The following CAMK4 variants were observed in gnomAD, a reference collection of about 807,000 sequenced individuals.
CAMK4 encodes the protein calcium/calmodulin dependent protein kinase IV.
Under a neutral mutation model 44.9 loss-of-function variants are expected in CAMK4, and 22 were observed. The ratio of observed to expected loss-of-function variants is 0.49; its 90% CI spans 0.35 to 0.70. The LOEUF (loss-of-function observed/expected upper bound fraction) is 0.70, where lower values mean the gene tolerates loss of function less well. Among genes scored for constraint, CAMK4 ranks in the 30% least tolerant of loss-of-function variants. The probability of loss-of-function intolerance (pLI) is 0.01; values close to 1 mark genes in which losing one functional copy is unlikely to be tolerated. For missense variants in CAMK4, 498 were observed against 586.8 expected, an observed-to-expected ratio of 0.85 and a Z score of 1.56; for synonymous variants, 218 against 215.4, an observed-to-expected ratio of 1.01 and a Z score of -0.11.
intron 1 of CAMK4, among the ~76,000 whole-genome samples, chr5:111,230,764 G>A (rs1748431156): frequency 6.6e-6 from 1 of 151,612 alleles, no homozygotes. Flanking sequence ...CAAGTGAAGT[G>A]TTTCAACTAC....
At chr5:111,282,603 T>G (rs1188965876) in intron 1 of CAMK4, among the ~76,000 whole-genome samples, 1 of 152,252 alleles carries the variant, frequency 6.6e-6, no homozygotes, top group East Asian at 1.9e-4. Flanking sequence ...TTTTTATATT[T>G]TGACTTGCTA....
Position 111,259,572 on chromosome 5 carries a change from AC to A in CAMK4, c.161+34931del, listed in dbSNP as rs898920584. On this transcript the variant is annotated intron_variant, in intron 1 of 10. Coordinates refer to ENST00000282356, the MANE Select transcript of CAMK4 (RefSeq NM_001744.6). ...GATGGGTTGTAGGTATATATGCAGC[AC>A]CCTGAATTCTTTTATCCAGGCAATA... Among the ~76,000 whole-genome samples, 6 of 152,146 alleles carry A rather than the reference AC, an allele frequency of 3.9e-5. 1 individual carries two copies. Among genetic ancestry groups the A allele is most frequent in the Admixed American group, 1.3e-4 (2 of 15,272 alleles).
chr5:111,293,249 G>T (rs1159926384), intron 1 of CAMK4, among the ~76,000 whole-genome samples: 1 of 152,116 alleles, frequency 6.6e-6, no homozygotes, highest in Non-Finnish European at 1.5e-5. Flanking sequence ...GTGCCCAGAG[G>T]ACTAAGAAGC....
intron 1 of CAMK4, among the ~76,000 whole-genome samples, chr5:111,329,768 A>T (rs1486564748): frequency 1.3e-5 from 2 of 151,770 alleles, no homozygotes; most frequent in African/African-American, 2.4e-5. Context: ...GTATTTGACA[A>T]CATTCACTGT....
chr5:111,357,157 T>C (rs1750397980), intron 2 of CAMK4, among the ~76,000 whole-genome samples: 1 of 152,092 alleles, frequency 6.6e-6, no homozygotes, highest in Non-Finnish European at 1.5e-5. Context: ...AAAGGAGATA[T>C]ATAACCAACT....
chr5:111,243,849 G>A (rs770867810), intron 1 of CAMK4, among the ~76,000 whole-genome samples: 1 of 152,166 alleles, frequency 6.6e-6, no homozygotes, highest in Non-Finnish European at 1.5e-5. Flanking sequence ...ATAGCTGCAC[G>A]AATGCAACAT....
At chr5:111,413,022 G>A (rs184958962) in intron 5 of CAMK4, among the ~76,000 whole-genome samples, 2 of 152,166 alleles carry the variant, frequency 1.3e-5, no homozygotes, top group East Asian at 1.9e-4. Context: ...GCTGTACGCC[G>A]CTGCTTCAAT....
intron 5 of CAMK4, among the ~76,000 whole-genome samples, chr5:111,438,496 A>T (rs1465102115): frequency 1.3e-5 from 2 of 152,178 alleles, no homozygotes; most frequent in African/African-American, 2.4e-5. Flanking sequence ...ACTTAGAGAA[A>T]ATTTATTGTA....
intron 1 of CAMK4, among the ~76,000 whole-genome samples, chr5:111,272,674 A>G (rs1750566219): frequency 1.3e-5 from 2 of 152,166 alleles, no homozygotes; most frequent in African/African-American, 4.8e-5. Context: ...GTATTTCAAC[A>G]AAGTTGCAAA....
intron 5 of CAMK4, among the ~76,000 whole-genome samples, chr5:111,432,098 C>T (rs1580744967): frequency 6.6e-6 from 1 of 152,118 alleles, no homozygotes; most frequent in South Asian, 2.1e-4. Flanking sequence ...GATTTGGAAG[C>T]AACCTAAGTG....
chr5:111,259,377 C>T (rs1422005339), intron 1 of CAMK4, among the ~76,000 whole-genome samples: 1 of 152,172 alleles, frequency 6.6e-6, no homozygotes, highest in Non-Finnish European at 1.5e-5. Flanking sequence ...ATAGTTTTCT[C>T]AGTGTAATTT....
chr5:111,409,402 G>T (rs1393605345), intron 5 of CAMK4, among the ~76,000 whole-genome samples: 1 of 152,194 alleles, frequency 6.6e-6, no homozygotes, highest in Non-Finnish European at 1.5e-5. Context: ...AAGCAGCTGG[G>T]ACACAAGGCA....
chr5:111,289,037 G>T (rs1751343069), intron 1 of CAMK4, among the ~76,000 whole-genome samples: 1 of 152,162 alleles, frequency 6.6e-6, no homozygotes, highest in African/African-American at 2.4e-5. Flanking sequence ...GCTCATGGTG[G>T]GAGAGGAGAT....
intron 2 of CAMK4, among the ~76,000 whole-genome samples, chr5:111,361,683 A>G (rs1450175713): frequency 1.3e-5 from 2 of 152,018 alleles, no homozygotes; most frequent in Non-Finnish European, 2.9e-5. Context: ...AACATATGAA[A>G]TTGTCTTAAA....
intron 5 of CAMK4, among the ~76,000 whole-genome samples, chr5:111,409,122 C>T (rs922790085): frequency 3.3e-5 from 5 of 152,176 alleles, no homozygotes; most frequent in African/African-American, 4.8e-5. Context: ...CTAGGCAGTG[C>T]CCTGGTGAGG....
intron 1 of CAMK4, among the ~76,000 whole-genome samples, chr5:111,319,971 G>A (rs918878568): frequency 1.4e-4 from 21 of 152,252 alleles, no homozygotes; most frequent in African/African-American, 5.1e-4. Flanking sequence ...GAGATATTAG[G>A]TATAGGAGTG....
Position 111,282,360 on chromosome 5 carries a change from G to T in CAMK4, c.161+57716G>T, listed in dbSNP as rs1188121616. ...GGACTGACAGTCCCATTAACTACTG[G>T]TAATTAACTACTGGGTAATATTTGT... On this transcript the variant is annotated intron_variant, in intron 1 of 10. Coordinates refer to ENST00000282356, the MANE Select transcript of CAMK4 (RefSeq NM_001744.6). Among the ~76,000 whole-genome samples the T allele has an allele frequency of 5.3e-5, 8 of 152,216 alleles. No homozygotes were observed. The East Asian group carries it at 1.5e-3, about 29-fold the overall frequency.
In CAMK4 at chr5:111,473,206, T is replaced by C. The variant is rs1025462039; in HGVS notation, c.626-105T>C. ...GGGGAGAGAAGATTGGTTATAAAAC[T>C]GTTCAGAAATTGTTTTGATGAATTT... On this transcript the variant is annotated intron_variant, in intron 7 of 10. Transcript: ENST00000282356. 1.2e-5 allele frequency: 10 copies of C among 804,924 alleles called. No individual in the cohort carries two copies. In the African/African-American group the frequency reaches 1.7e-4, roughly 14 times the overall value. The allele number at this position is 804,924 out of a possible 1,614,324, so 49.9% of individuals were successfully genotyped here. A position where few individuals can be genotyped will look rare whatever the true frequency, so the allele number is the denominator to read the frequency against.
intron 8 of CAMK4, among the ~76,000 whole-genome samples, chr5:111,474,714 G>T (rs1755177046): frequency 6.6e-6 from 1 of 151,730 alleles, no homozygotes; most frequent in South Asian, 2.1e-4. Flanking sequence ...AACTGTGGTA[G>T]GGCCCACAAG....
Sources: allele counts gnomAD v4.1 joint callset (sites outside exome capture counted in the v4.1 genomes callset), GRCh38; gene constraint gnomAD v4.1.1; transcripts MANE v1.5; gene names NCBI Gene and HGNC (gene_info 2026-07-23, HGNC 2026-07-21).